TNXB: variants seen among roughly 807,000 people sequenced by gnomAD.
TNXB encodes tenascin XB.
TNXB carries 183 observed loss-of-function variants against 340.5 expected under a neutral mutation model. That is an observed-to-expected ratio of 0.54 (90% CI 0.48 to 0.61). TNXB has a LOEUF of 0.61. Among genes scored for constraint, TNXB ranks in the 20% least tolerant of loss-of-function variants. The pLI is 0.00. For synonymous variants in TNXB, 2,121 were observed against 2,314.5 expected, an observed-to-expected ratio of 0.92 and a Z score of 2.40; for missense variants, 4,613 against 5,446.4, an observed-to-expected ratio of 0.85 and a Z score of 4.82.
chr6:32,073,941 C>T lies in TNXB; in HGVS notation c.4387G>A (p.Glu1463Lys), dbSNP rs1778931526. 5.0e-6 allele frequency: 8 copies of T among 1,596,154 alleles called. No individual in the cohort carries two copies. Among genetic ancestry groups the T allele is most frequent in the Non-Finnish European group, 6.8e-6 (8 of 1,169,682 alleles). Residue 1463 changes from glutamate to lysine, a missense_variant, in exon 12 of 44, where the codon GAA becomes AAA. By Grantham distance (56) the Glu-to-Lys change is moderately conservative. Coordinates refer to ENST00000644971, the MANE Select transcript of TNXB (RefSeq NM_001365276.2). The surrounding 1 kb of genome is among the most constrained non-coding windows in gnomAD (Gnocchi z 4.6). ...GACTCAGTGGCTGGAGGGGTCTCTT[C>T]TTGTTGTGGGGCTGGGACAGAGATG... Reference protein sequence around the residue: ...SAVGVTAPQQEETPPATESPL... With the variant: ...SAVGVTAPQQKETPPATESPL...
intron 1 of TNXB, among the ~76,000 whole-genome samples, chr6:32,105,809 A>AC (rs1780949794): frequency 6.6e-6 from 1 of 152,090 alleles, no homozygotes; most frequent in Admixed American, 6.6e-5. Context: ...AAACCCTATG[A>AC]CCCCGCAATT....
Position 32,062,283 on chromosome 6 carries a change from G to A in TNXB, c.7042C>T (p.Arg2348Trp), listed in dbSNP as rs747752926. The change falls in exon 20 of 44, where the codon CGG (arginine) becomes TGG (tryptophan). Residue 2348 changes from arginine (R) to tryptophan (W), a missense_variant. By Grantham distance (101) the Arg-to-Trp change is moderately radical. Transcript: ENST00000644971. This position sits in a 1 kb window ranked among gnomAD's most constrained non-coding sequence, Gnocchi z 4.3. The part of the protein sequence containing the change: ...KNGDGQPKAT[R>W]VPGHEDRVTI... ...ACCCTGTCCTCATGTCCTGGCACCC[G>A]TGTTGCCTTGGGCTGCCCATCCCCA... 2.8e-5 allele frequency: 45 copies of A among 1,613,288 alleles called. No individual in the cohort carries two copies. Among genetic ancestry groups the A allele is most frequent in the Non-Finnish European group, 3.2e-5 (38 of 1,179,866 alleles).
intron 1 of TNXB, among the ~76,000 whole-genome samples, chr6:32,101,608 T>A (rs929604660): frequency 4.7e-5 from 7 of 149,840 alleles, no homozygotes; most frequent in African/African-American, 1.7e-4. Context: ...TTTTTTTTTT[T>A]AGTAGAGACA....
At position 32,068,664 on chromosome 6, in the gene TNXB, G is replaced by A. The variant is rs568504579; in HGVS notation, c.5946C>T (p.Pro1982=). The A allele has an allele frequency of 3.3e-5, 54 of 1,613,798 alleles. No individual in the cohort carries two copies. The highest frequency in any genetic ancestry group is 4.2e-5 in the Non-Finnish European group (49 of 1,179,866). The change falls in exon 17 of 44, where the codon CCC becomes CCT. Residue 1982 remains proline, a synonymous_variant. Coordinates refer to ENST00000644971, the MANE Select transcript of TNXB (RefSeq NM_001365276.2). The surrounding 1 kb of genome is among the most constrained non-coding windows in gnomAD (Gnocchi z 5.3). ...EKPSEPPTAT[P]EPPIKPRLGE... is the part of the protein sequence containing the mutation. ...CCAGGCGAGGCTTGATGGGGGGCTC[G>A]GGGGTTGCGGTGGGAGGTTCTGAAG... is the stretch of plus-strand genomic sequence containing the variant.
chr6:32,073,815 T>C lies in TNXB; in HGVS notation c.4513A>G (p.Ile1505Val), dbSNP rs1778917880. The C allele has an allele frequency of 1.2e-6, 2 of 1,612,886 alleles. No individual in the cohort carries two copies. The highest frequency in any genetic ancestry group is 1.7e-6 in the Non-Finnish European group (2 of 1,179,524). The change falls in exon 12 of 44, where the codon ATA (isoleucine) becomes GTA (valine). Residue 1505 changes from isoleucine (I) to valine (V), a missense_variant. By Grantham distance (29) the Ile-to-Val change is conservative (BLOSUM62 3). Coordinates refer to ENST00000644971, the MANE Select transcript of TNXB (RefSeq NM_001365276.2). This position sits in a 1 kb window ranked among gnomAD's most constrained non-coding sequence, Gnocchi z 4.6. Reference protein sequence around the residue: ...TVPEGQFDSFIVQYKDKDGQP... With the variant: ...TVPEGQFDSFVVQYKDKDGQP... ...CCGTCCTTGTCCTTGTACTGGACTA[T>C]GAAGGAGTCAAACTGGCCCTCGGGG... is the stretch of plus-strand genomic sequence containing the variant.
intron 1 of TNXB, among the ~76,000 whole-genome samples, chr6:32,099,946 TAAA>T (rs34833929): frequency 3.2e-5 from 2 of 62,826 alleles, no homozygotes; most frequent in African/African-American, 6.3e-5. Context: ...CATCCCTAAG[TAAA>T]AAAAAAAAAA....
chr6:32,041,206 C>G lies in TNXB; in HGVS notation c.*143G>C, dbSNP rs1239331635. 8 of 934,494 alleles carry G rather than the reference C, an allele frequency of 8.6e-6. No individual in the cohort carries two copies. Among genetic ancestry groups the G allele is most frequent in the African/African-American group, 1.6e-5 (1 of 64,398 alleles). 57.9% of individuals were successfully genotyped at this position (934,494 alleles called of 1,614,324 possible). A position where few individuals can be genotyped will look rare whatever the true frequency, so the allele number is the denominator to read the frequency against. On this transcript the variant is annotated 3_prime_UTR_variant, in exon 44 of 44. Transcript: ENST00000644971. ...GCTCCCGTACGAACCCCTCCCCTCC[C>G]CCCTGTAAACACAGTGCTGCGAGAT...
In TNXB at chr6:32,068,481, C is replaced by G. The variant is rs780511835; in HGVS notation, c.6129G>C (p.Ser2043=). ...VPGHEEGVTI[S]GLEPDHKYKM... The stretch of plus-strand genomic sequence containing the variant: ...TGTATTTATGGTCTGGCTCCAGGCC[C>G]GAGATGGTGACCCCTTCCTCGTGCC... Residue 2043 remains serine (S), a synonymous_variant, in exon 17 of 44, where the codon TCG becomes TCC. Coordinates refer to ENST00000644971, the MANE Select transcript of TNXB (RefSeq NM_001365276.2). This position sits in a 1 kb window ranked among gnomAD's most constrained non-coding sequence, Gnocchi z 5.3. The G allele has an allele frequency of 7.4e-6, 12 of 1,613,864 alleles. No individual in the cohort carries two copies. In the East Asian group the frequency reaches 1.1e-4, roughly 15 times the overall value.
rs1278526356 is a variant in TNXB, at chr6:32,051,377, G to A, written c.9116-1056C>T. On this transcript the variant is annotated intron_variant, in intron 26 of 43. Transcript: ENST00000644971. The surrounding 1 kb of genome is among the most constrained non-coding windows in gnomAD (Gnocchi z 4.7). Reference sequence around the variant, plus strand: ...CTAACTCTGAGCCTAACCTCTGTGAGGATTCATGAATGCAAGAAAAATTCG... The same window carrying A: ...CTAACTCTGAGCCTAACCTCTGTGAAGATTCATGAATGCAAGAAAAATTCG... Among the ~76,000 whole-genome samples the A allele has an allele frequency of 6.6e-6, 1 of 152,194 alleles. No homozygotes were observed.
chr6:32,102,225 G>A (rs1292361253), intron 1 of TNXB, among the ~76,000 whole-genome samples: 1 of 152,192 alleles, frequency 6.6e-6, no homozygotes, highest in Non-Finnish European at 1.5e-5. Flanking sequence ...GCAAACACTG[G>A]AAAGTTGTTT....
Position 32,049,373 on chromosome 6 carries a change from C to T in TNXB, c.9654G>A (p.Glu3218=), listed in dbSNP as rs1777111966. 3 of 1,612,530 alleles carry T rather than the reference C, an allele frequency of 1.9e-6. No individual in the cohort carries two copies. Among genetic ancestry groups the T allele is most frequent in the African/African-American group, 1.3e-5 (1 of 75,010 alleles). Residue 3218 remains glutamate, a synonymous_variant, in exon 28 of 44, where the codon GAG becomes GAA. Coordinates refer to ENST00000644971, the MANE Select transcript of TNXB (RefSeq NM_001365276.2). This position sits in a 1 kb window ranked among gnomAD's most constrained non-coding sequence, Gnocchi z 4.5. The stretch of plus-strand genomic sequence containing the variant: ...CGGGCTCCAGGCCCCCCACGGTGAC[C>T]TCGCTCTCCTCGCCCCTGACACGCA... The part of the protein sequence containing the change: ...QVVRVRGEES[E]VTVGGLEPGR...
At chr6:32,059,538 C>T (rs978365866) in intron 21 of TNXB, among the ~76,000 whole-genome samples, 1 of 151,670 alleles carries the variant, frequency 6.6e-6, no homozygotes, top group Non-Finnish European at 1.5e-5. Flanking sequence ...AGGGGTGGGT[C>T]CCTCAGCCTG....
chr6:32,084,781 C>A lies in TNXB; in HGVS notation c.3149-72G>T. Reference sequence around the variant, plus strand: ...TCTTGTCTGTGTCTCCTTCCCTCTCCCCTGCCCACCTCACTCCATCCTGGA... The same window carrying A: ...TCTTGTCTGTGTCTCCTTCCCTCTCACCTGCCCACCTCACTCCATCCTGGA... On this transcript the variant is annotated intron_variant, in intron 7 of 43. Transcript: ENST00000644971. The surrounding 1 kb of genome is among the most constrained non-coding windows in gnomAD (Gnocchi z 5.5). 7.3e-7 allele frequency: 1 copy of A among 1,366,942 alleles called. No homozygotes were observed. Among genetic ancestry groups the A allele is most frequent in the Admixed American group, 2.6e-5 (1 of 38,910 alleles). The allele number at this position is 1,366,942 out of a possible 1,614,324, so 84.7% of individuals were successfully genotyped here. A position where few individuals can be genotyped will look rare whatever the true frequency, so the allele number is the denominator to read the frequency against.
chr6:32,081,312 G>A lies in TNXB; in HGVS notation c.4042+56C>T, dbSNP rs1380001954. Reference sequence around the variant, plus strand: ...GGAGGCTGGAAGGAGCCCCAGCCAAGTCCCGCTCACAGGATGGGGCTAGCA... The same window carrying A: ...GGAGGCTGGAAGGAGCCCCAGCCAAATCCCGCTCACAGGATGGGGCTAGCA... On this transcript the variant is annotated intron_variant, in intron 10 of 43. Transcript: ENST00000644971. The surrounding 1 kb of genome is among the most constrained non-coding windows in gnomAD (Gnocchi z 5.1). The A allele has an allele frequency of 6.8e-6, 10 of 1,480,190 alleles. No individual in the cohort carries two copies. The highest frequency in any genetic ancestry group is 2.1e-5 in the Admixed American group (1 of 48,504). 91.7% of individuals were successfully genotyped at this position (1,480,190 alleles called of 1,614,324 possible).
chr6:32,046,835 C>G lies in TNXB; in HGVS notation c.10325-379G>C, dbSNP rs2151888435. 6.6e-6 allele frequency among the ~76,000 whole-genome samples: 1 copy of G among 152,342 alleles called. No homozygotes were observed. Among genetic ancestry groups the G allele is most frequent in the South Asian group, 2.1e-4 (1 of 4,832 alleles). On this transcript the variant is annotated intron_variant, in intron 30 of 43. Transcript: ENST00000644971. The surrounding 1 kb of genome is among the most constrained non-coding windows in gnomAD (Gnocchi z 6.9). ...GAGCTGAGAGAGACTCCCCGGAGGT[C>G]TCTGGGTTGTCACGGAGACACCCCA...
At position 32,079,342 on chromosome 6, in the gene TNXB, T is replaced by A; in HGVS notation, c.4066A>T (p.Thr1356Ser). Reference sequence around the variant, plus strand: ...GTGCCCAGTTCTGTGGGGCTGGGGGTCTCGTCCACATCCTCCTGAGGAGCT... The same window carrying A: ...GTGCCCAGTTCTGTGGGGCTGGGGGACTCGTCCACATCCTCCTGAGGAGCT... ...KTAPQEDVDE[T>S]PSPTELGTEA... The change falls in exon 11 of 44, where the codon ACC becomes TCC. Residue 1356 changes from threonine (T) to serine (S), a missense_variant. Thr to Ser is a moderately conservative substitution (Grantham distance 58). Coordinates refer to ENST00000644971, the MANE Select transcript of TNXB (RefSeq NM_001365276.2). The surrounding 1 kb of genome is among the most constrained non-coding windows in gnomAD (Gnocchi z 7.1). 1 of 1,609,092 alleles carries A rather than the reference T, an allele frequency of 6.2e-7. No individual in the cohort carries two copies. Among genetic ancestry groups the A allele is most frequent in the East Asian group, 2.2e-5 (1 of 44,780 alleles).
In TNXB at chr6:32,061,054, C is replaced by A. The variant is rs529436516; in HGVS notation, c.7492+343G>T. 2.6e-5 allele frequency among the ~76,000 whole-genome samples: 4 copies of A among 151,926 alleles called. No individual in the cohort carries two copies. Among genetic ancestry groups the A allele is most frequent in the African/African-American group, 7.3e-5 (3 of 41,182 alleles). ...TGCCTAAATTATTTAGTCATCCCAA[C>A]GTGGTTTGACGTTGGATTGTTCCTC... On this transcript the variant is annotated intron_variant, in intron 21 of 43. Transcript: ENST00000644971. The surrounding 1 kb of genome is among the most constrained non-coding windows in gnomAD (Gnocchi z 4.4).
In TNXB at chr6:32,047,477, G is replaced by T. The variant is rs1407892741; in HGVS notation, c.10324+257C>A. On this transcript the variant is annotated intron_variant, in intron 30 of 43. Coordinates refer to ENST00000644971, the MANE Select transcript of TNXB (RefSeq NM_001365276.2). This position sits in a 1 kb window ranked among gnomAD's most constrained non-coding sequence, Gnocchi z 6.2. Reference sequence around the variant, plus strand: ...CTTGTCCATGGTCACCCTGGCAAAGGCTAGGACTGGAACTGGAACACAGAT... The same window carrying T: ...CTTGTCCATGGTCACCCTGGCAAAGTCTAGGACTGGAACTGGAACACAGAT... Among the ~76,000 whole-genome samples, 1 of 152,220 alleles carries T rather than the reference G, an allele frequency of 6.6e-6. No individual in the cohort carries two copies. Among genetic ancestry groups the T allele is most frequent in the African/African-American group, 2.4e-5 (1 of 41,454 alleles).
In TNXB at chr6:32,064,791, G is replaced by C; in HGVS notation, c.6841+30C>G. On this transcript the variant is annotated intron_variant, in intron 19 of 43. Coordinates refer to ENST00000644971, the MANE Select transcript of TNXB (RefSeq NM_001365276.2). This position sits in a 1 kb window ranked among gnomAD's most constrained non-coding sequence, Gnocchi z 5.3. ...AAAGGGAAACTGAGTCTAGTTCAGG[G>C]CAGGGCCCAGTGCCCTACTGCACAC... is the stretch of plus-strand genomic sequence containing the variant. 6.3e-7 allele frequency: 1 copy of C among 1,599,570 alleles called. No individual in the cohort carries two copies. The highest frequency in any genetic ancestry group is 8.5e-7 in the Non-Finnish European group (1 of 1,172,928).
Sources: gnomAD v4.1 joint callset for allele counts (sites outside exome capture counted in the v4.1 genomes callset) on GRCh38, gnomAD v4.1.1 for gene constraint, Gnocchi (gnomAD v3.1) non-coding constraint, MANE v1.5 for transcripts, NCBI Gene and HGNC (gene_info 2026-07-23, HGNC 2026-07-21) for gene names.